COMMD1: variants seen among roughly 807,000 people sequenced by gnomAD.
COMMD1 encodes copper metabolism domain containing 1, also known as COMM domain-containing protein 1.
COMMD1 carries 10 observed loss-of-function variants against 17.2 expected under a neutral mutation model. The ratio of observed to expected loss-of-function variants is 0.58; its 90% CI spans 0.36 to 0.99. The LOEUF is 0.99. COMMD1 is among the 50% of genes least tolerant of loss of function. The pLI is 0.01. For missense variants in COMMD1, 270 were observed against 231.8 expected, an observed-to-expected ratio of 1.17 and a Z score of -1.07; for synonymous variants, 97 against 91.6, an observed-to-expected ratio of 1.06 and a Z score of -0.34.
intron 2 of COMMD1, among the ~76,000 whole-genome samples, chr2:62,017,321 T>C (rs1669475443): frequency 6.6e-6 from 1 of 152,210 alleles, no homozygotes; most frequent in Admixed American, 6.5e-5. Context: ...GATACTGGCC[T>C]CCGTCCACAC....
At chr2:61,961,279 T>G (rs1026575366) in intron 1 of COMMD1, among the ~76,000 whole-genome samples, 1 of 152,212 alleles carries the variant, frequency 6.6e-6, no homozygotes, top group Non-Finnish European at 1.5e-5. Context: ...GTGTCCAGTT[T>G]CCATTGGCTG....
intron 1 of COMMD1, among the ~76,000 whole-genome samples, chr2:61,956,686 G>C (rs1455208356): frequency 6.6e-6 from 1 of 151,832 alleles, no homozygotes; most frequent in Admixed American, 6.6e-5. Flanking sequence ...TGGGATTACA[G>C]GCATGAGCCA....
chr2:62,056,889 C>T (rs1013408850), intron 2 of COMMD1, among the ~76,000 whole-genome samples: 3 of 152,182 alleles, frequency 2.0e-5, no homozygotes, highest in Non-Finnish European at 4.4e-5. Flanking sequence ...CTTCAAATCT[C>T]CATACATTCT....
intron 1 of COMMD1, among the ~76,000 whole-genome samples, chr2:61,947,151 A>G (rs1284781743): frequency 6.6e-6 from 1 of 152,178 alleles, no homozygotes; most frequent in Non-Finnish European, 1.5e-5. Context: ...GATGTTTACT[A>G]AGAGACCCAA....
chr2:61,926,927 C>A (rs1437092468), intron 1 of COMMD1, among the ~76,000 whole-genome samples: 1 of 152,108 alleles, frequency 6.6e-6, no homozygotes, highest in East Asian at 1.9e-4. Context: ...GCTAAATAAA[C>A]CTCTAATCTA....
At chr2:62,072,099 T>C (rs1251546765) in intron 2 of COMMD1, among the ~76,000 whole-genome samples, 1 of 152,110 alleles carries the variant, frequency 6.6e-6, no homozygotes, top group Non-Finnish European at 1.5e-5. Context: ...AAAAATATTT[T>C]ACTACACTAT....
intron 1 of COMMD1, among the ~76,000 whole-genome samples, chr2:61,999,230 A>G (rs957838774): frequency 6.6e-6 from 1 of 152,218 alleles, no homozygotes; most frequent in Non-Finnish European, 1.5e-5. Context: ...ATGCTATGGT[A>G]TGCTAAAGAT....
At position 61,925,946 on chromosome 2, in the gene COMMD1, G is replaced by GT. The variant is rs554479596; in HGVS notation, c.180+20098dup. 7.5e-3 allele frequency among the ~76,000 whole-genome samples: 1,101 copies of GT among 147,704 alleles called. 5 individuals carry two copies. The highest frequency in any genetic ancestry group is 0.023 in the African/African-American group (922 of 40,438). On this transcript the variant is annotated intron_variant, in intron 1 of 2. Transcript: ENST00000311832. ...AGGCAATGCCAATTGCAGAGTTAGT[G>GT]TTTTTTTTTTGTTTTTTGTTTTTTG...
intron 2 of COMMD1, among the ~76,000 whole-genome samples, chr2:62,018,764 C>T (rs1211123254): frequency 6.6e-6 from 1 of 152,134 alleles, no homozygotes; most frequent in Non-Finnish European, 1.5e-5. Context: ...TTATAGGTGT[C>T]TTAGTGTGTT....
intron 2 of COMMD1, among the ~76,000 whole-genome samples, chr2:62,084,253 C>T (rs1288982373): frequency 6.6e-6 from 1 of 152,170 alleles, no homozygotes; most frequent in East Asian, 1.9e-4. Context: ...ATAATTTTGA[C>T]TTCTCAAAAA....
intron 2 of COMMD1, among the ~76,000 whole-genome samples, chr2:62,009,425 T>C (rs963697513): frequency 1.3e-5 from 2 of 151,900 alleles, no homozygotes; most frequent in South Asian, 2.1e-4. Flanking sequence ...GGCAACTTGG[T>C]AAAACCCAGT....
intron 2 of COMMD1, among the ~76,000 whole-genome samples, chr2:62,099,862 C>T (rs1237995218): frequency 2.0e-5 from 3 of 152,032 alleles, no homozygotes; most frequent in Non-Finnish European, 4.4e-5. Context: ...GACACTCCCA[C>T]GAGGCCCCTG....
intron 1 of COMMD1, among the ~76,000 whole-genome samples, chr2:61,997,480 C>A (rs1444907884): frequency 6.6e-6 from 1 of 152,162 alleles, no homozygotes; most frequent in Non-Finnish European, 1.5e-5. Context: ...TGTACGTCTC[C>A]ATCAGAGCTC....
chr2:61,931,318 A>G (rs1372844447), intron 1 of COMMD1, among the ~76,000 whole-genome samples: 1 of 152,162 alleles, frequency 6.6e-6, no homozygotes. Flanking sequence ...TCTCAAAAAA[A>G]TAAATAAAAA....
intron 2 of COMMD1, among the ~76,000 whole-genome samples, chr2:62,128,507 C>T (rs1450126107): frequency 1.3e-5 from 2 of 151,998 alleles, no homozygotes; most frequent in South Asian, 2.1e-4. Context: ...AATTGACAAA[C>T]GGGATCTAAT....
intron 2 of COMMD1, among the ~76,000 whole-genome samples, chr2:62,125,033 C>T (rs1192610438): frequency 6.6e-6 from 1 of 152,156 alleles, no homozygotes; most frequent in Admixed American, 6.5e-5. Context: ...AATTTTTAAG[C>T]ATTCTAACAC....
At chr2:62,008,087 A>G (rs1166454797) in intron 2 of COMMD1, among the ~76,000 whole-genome samples, 1 of 152,092 alleles carries the variant, frequency 6.6e-6, no homozygotes, top group East Asian at 1.9e-4. Flanking sequence ...TAGAGTGAGG[A>G]TCCCTTGTGC....
At chr2:62,061,036 T>C (rs149919694) in intron 2 of COMMD1, among the ~76,000 whole-genome samples, 128 of 152,306 alleles carry the variant, frequency 8.4e-4, no homozygotes, top group African/African-American at 2.9e-3. Context: ...GATATATTTT[T>C]TAGTTTTAGA....
At chr2:61,974,904 A>G (rs1671752687) in intron 1 of COMMD1, among the ~76,000 whole-genome samples, 1 of 151,444 alleles carries the variant, frequency 6.6e-6, no homozygotes, top group Non-Finnish European at 1.5e-5. Flanking sequence ...ATTAGCGTTC[A>G]CTCTGCTTCA....
Sources: gnomAD v4.1 joint callset for allele counts (sites outside exome capture counted in the v4.1 genomes callset) on GRCh38, gnomAD v4.1.1 for gene constraint, MANE v1.5 for transcripts, NCBI Gene and HGNC (gene_info 2026-07-23, HGNC 2026-07-21) for gene names.